Variants in OR3A2 observed in about 807,000 individuals in gnomAD.
OR3A2 encodes the protein olfactory receptor family 3 subfamily A member 2.
For synonymous variants in OR3A2, 126 were observed against 159.3 expected (o/e 0.79, Z 1.57); for missense variants, 318 against 392.8 (o/e 0.81, Z 1.61).
At chr17:3,324,596 A>C (rs1481841191) in intron 3 of OR3A2, among the ~76,000 whole-genome samples, 1 of 152,108 alleles carries the variant, frequency 6.6e-6, no homozygotes, top group Non-Finnish European at 1.5e-5. Context: ...CATCAGCTGC[A>C]GGTCTGTTGG....
intron 2 of OR3A2, among the ~76,000 whole-genome samples, chr17:3,365,735 C>T (rs1362277145): frequency 1.3e-5 from 2 of 152,162 alleles, no homozygotes; most frequent in African/African-American, 2.4e-5. Flanking sequence ...AAGTAACACA[C>T]AACACTTGTA....
In OR3A2 at chr17:3,348,091, T is replaced by A. The variant is rs1455700227; in HGVS notation, c.-178-11965A>T. Among the ~76,000 whole-genome samples, 3 of 152,182 alleles carry A rather than the reference T, an allele frequency of 2.0e-5. No individual in the cohort carries two copies. In the South Asian group the frequency reaches 6.2e-4, roughly 32 times the overall value. On this transcript the variant is annotated intron_variant, in intron 2 of 4. Transcript: ENST00000573491. ...TCCTTTGCCCACTTTTTGATGGGGTTGTTTGTTTTTTTCTTGTAAATTTGT... is the reference window on the plus strand; with the variant it reads ...TCCTTTGCCCACTTTTTGATGGGGTAGTTTGTTTTTTTCTTGTAAATTTGT...
At chr17:3,291,472 G>A (rs946147258) in intron 3 of OR3A2, 7 of 586,592 alleles carry the variant, frequency 1.2e-5, no homozygotes, top group African/African-American at 3.7e-5. Context: ...CTTATAATTG[G>A]ACAGGGCTGC....
At chr17:3,316,197 T>G (rs1234887020) in intron 3 of OR3A2, among the ~76,000 whole-genome samples, 1 of 152,222 alleles carries the variant, frequency 6.6e-6, no homozygotes, top group Non-Finnish European at 1.5e-5. Flanking sequence ...TCTTTGCAGA[T>G]ATAAGTCCAT....
rs2048752431 is a variant in OR3A2, at chr17:3,278,143, T to C, written c.775A>G (p.Ile259Val). The C allele has an allele frequency of 6.2e-7, 1 of 1,614,258 alleles. No individual in the cohort carries two copies. The highest frequency in any genetic ancestry group is 8.5e-7 in the Non-Finnish European group (1 of 1,180,052). ...GAACCCAGTCTCATGTAGTTGAAGA[T>C]ACCTCTTCCAAAGAAAAGACAAACC... Residue 259 changes from isoleucine to valine, a missense_variant, in exon 2 of 2, where the codon ATC becomes GTC. Ile to Val is a conservative substitution (Grantham distance 29, BLOSUM62 3). Coordinates refer to ENST00000642052, the Ensembl canonical transcript of OR3A2.
chr17:3,325,093 TTA>T (rs1376524655), intron 3 of OR3A2, among the ~76,000 whole-genome samples: 1 of 152,022 alleles, frequency 6.6e-6, no homozygotes, highest in Non-Finnish European at 1.5e-5. Flanking sequence ...ATTTTGTTTT[TTA>T]TATCTTATGT....
At chr17:3,331,462 A>T (rs1355900862) in intron 3 of OR3A2, among the ~76,000 whole-genome samples, 1 of 151,022 alleles carries the variant, frequency 6.6e-6, no homozygotes, top group Non-Finnish European at 1.5e-5. Flanking sequence ...CATTTCATTC[A>T]TTTCATCTTC....
At chr17:3,358,062 G>T (rs925729913) in intron 2 of OR3A2, among the ~76,000 whole-genome samples, 24 of 151,680 alleles carry the variant, frequency 1.6e-4, no homozygotes, top group Admixed American at 9.8e-4. Flanking sequence ...TCTCGAAGAG[G>T]CTGAGCTGTA....
At chr17:3,363,305 C>T (rs1178775515) in intron 2 of OR3A2, among the ~76,000 whole-genome samples, 2 of 151,794 alleles carry the variant, frequency 1.3e-5, no homozygotes, top group African/African-American at 4.9e-5. Flanking sequence ...GAATGCTTTG[C>T]TGCTTTGAAA....
intron 2 of OR3A2, among the ~76,000 whole-genome samples, chr17:3,380,734 T>C (rs557389433): frequency 6.6e-6 from 1 of 152,164 alleles, no homozygotes; most frequent in East Asian, 1.9e-4. Flanking sequence ...AAGAGAAGAA[T>C]CTGGGCTGGC....
At chr17:3,301,500 G>C (rs1179308174) in intron 3 of OR3A2, among the ~76,000 whole-genome samples, 1 of 152,328 alleles carries the variant, frequency 6.6e-6, no homozygotes, top group Admixed American at 6.5e-5. Flanking sequence ...CTTTTGAGAA[G>C]TGTCTGTTCA....
At chr17:3,368,711 T>G (rs1006139332) in intron 2 of OR3A2, among the ~76,000 whole-genome samples, 1 of 152,334 alleles carries the variant, frequency 6.6e-6, no homozygotes, top group Middle Eastern at 3.4e-3. Flanking sequence ...TTGCTTTGGC[T>G]ATGCAGGCTC....
intron 2 of OR3A2, among the ~76,000 whole-genome samples, chr17:3,350,202 T>C (rs2049407512): frequency 6.6e-6 from 1 of 151,416 alleles, no homozygotes; most frequent in Non-Finnish European, 1.5e-5. Context: ...CTGAAGGAAA[T>C]AGAGACACAA....
At chr17:3,332,682 C>G (rs1292447094) in intron 3 of OR3A2, among the ~76,000 whole-genome samples, 1 of 152,248 alleles carries the variant, frequency 6.6e-6, no homozygotes, top group Non-Finnish European at 1.5e-5. Context: ...ACGCTGGGAG[C>G]TGTAGACCAG....
intron 2 of OR3A2, among the ~76,000 whole-genome samples, chr17:3,354,872 T>G (rs1248727723): frequency 6.6e-6 from 1 of 151,352 alleles, no homozygotes; most frequent in Non-Finnish European, 1.5e-5. Context: ...AAGTTTTTCT[T>G]CTGTTTTGAG....
intron 2 of OR3A2, among the ~76,000 whole-genome samples, chr17:3,367,204 C>T (rs910827234): frequency 6.6e-6 from 1 of 152,144 alleles, no homozygotes; most frequent in African/African-American, 2.4e-5. Flanking sequence ...ATTTACAGCT[C>T]AGACTCAGTT....
chr17:3,279,154 C>T lies in OR3A2; in HGVS notation c.-6-231G>A, dbSNP rs2150615574. 1.5e-6 allele frequency: 1 copy of T among 664,394 alleles called. No homozygotes were observed. Among genetic ancestry groups the T allele is most frequent in the South Asian group, 2.2e-5 (1 of 46,328 alleles). The allele number at this position is 664,394 out of a possible 1,614,324, so 41.2% of individuals were successfully genotyped here. On this transcript the variant is annotated intron_variant, in intron 1 of 1. Transcript: ENST00000642052. ...CTGCTAGCTGAAAAGGTCAGAATACCTGGAACAACATGAGAACTATAGTTA... is the reference window on the plus strand; with the variant it reads ...CTGCTAGCTGAAAAGGTCAGAATACTTGGAACAACATGAGAACTATAGTTA...
At chr17:3,323,326 G>C (rs1250668482) in intron 3 of OR3A2, among the ~76,000 whole-genome samples, 2 of 151,992 alleles carry the variant, frequency 1.3e-5, no homozygotes, top group Non-Finnish European at 2.9e-5. Context: ...GCCAGTCTGT[G>C]TCTTTTAATT....
chr17:3,317,664 T>G (rs990730751), intron 3 of OR3A2, among the ~76,000 whole-genome samples: 8 of 152,166 alleles, frequency 5.3e-5, no homozygotes, highest in Non-Finnish European at 1.0e-4. Context: ...ATGATTATTT[T>G]GGGGACTAAA....
Sources: gnomAD v4.1 joint callset for allele counts (sites outside exome capture counted in the v4.1 genomes callset) on GRCh38, gnomAD v4.1.1 for gene constraint, MANE v1.5 for transcripts, NCBI Gene and HGNC (gene_info 2026-07-23, HGNC 2026-07-21) for gene names.